THADA: variants seen among roughly 807,000 people sequenced by gnomAD.
The protein encoded by THADA is tRNA (32-2'-O)-methyltransferase regulator THADA.
A neutral mutation model predicts 219.8 loss-of-function variants in THADA; 213 were observed. That is an observed-to-expected ratio of 0.97 (90% CI 0.87 to 1.09). The LOEUF (loss-of-function observed/expected upper bound fraction) is 1.09, where lower values mean the gene tolerates loss of function less well. THADA is among the 50% of genes least tolerant of loss of function. The probability of loss-of-function intolerance (pLI) is 0.00; values close to 1 mark genes in which losing one functional copy is unlikely to be tolerated. For synonymous variants in THADA, 1,018 were observed against 828.9 expected (o/e 1.23, Z -3.92); for missense variants, 2,956 against 2,311.3 (o/e 1.28, Z -5.72).
intron 15 of THADA, chr2:43,564,367 C>G (rs998005151): frequency 6.6e-6 from 1 of 152,258 alleles, no homozygotes; most frequent in African/African-American, 2.4e-5. Context: ...AAAATCTGTT[C>G]CTTGCCTCTT....
intron 29 of THADA, among the ~76,000 whole-genome samples, chr2:43,366,390 C>T (rs1670159643): frequency 6.6e-6 from 1 of 152,154 alleles, no homozygotes; most frequent in South Asian, 2.1e-4. Flanking sequence ...GGAGTTTTCA[C>T]AGGAAGAGGT....
chr2:43,283,140 G>A (rs907878677), intron 35 of THADA, among the ~76,000 whole-genome samples: 3 of 152,210 alleles, frequency 2.0e-5, no homozygotes, highest in African/African-American at 7.2e-5. Flanking sequence ...GCCATGGGAA[G>A]CTGTGCCTTG....
rs1462761453 is a variant in THADA at position 43,592,002 on chromosome 2, G to T, written c.121C>A (p.His41Asn). The T allele has an allele frequency of 1.3e-6, 2 of 1,563,610 alleles. No individual in the cohort carries two copies. Among genetic ancestry groups the T allele is most frequent in the Non-Finnish European group, 1.7e-6 (2 of 1,152,656 alleles). Residue 41 changes from histidine to asparagine, a missense_variant, in exon 3 of 38, where the codon CAT (histidine) becomes AAT (asparagine). Coordinates refer to ENST00000405975, the MANE Select transcript of THADA (RefSeq NM_022065.5). ...ACTCCATCCGTGAGTTGCACACAATGTAACAGCAAAGAAGCTAGATTTTTC... is the reference window on the plus strand; with the variant it reads ...ACTCCATCCGTGAGTTGCACACAATTTAACAGCAAAGAAGCTAGATTTTTC... Reference protein sequence around the residue: ...EGKNLASLLLHCVQLTDGVSQ... With the variant: ...EGKNLASLLLNCVQLTDGVSQ...
intron 36 of THADA, among the ~76,000 whole-genome samples, chr2:43,238,281 G>C (rs1668271227): frequency 6.6e-6 from 1 of 152,012 alleles, no homozygotes; most frequent in South Asian, 2.1e-4. Context: ...TTCACAGAAA[G>C]GGAGAAAATA....
At position 43,574,419 on chromosome 2, in the gene THADA, T is replaced by A; in HGVS notation, c.1646A>T (p.Tyr549Phe). The A allele has an allele frequency of 6.2e-7, 1 of 1,611,042 alleles. No homozygotes were observed. Among genetic ancestry groups the A allele is most frequent in the African/African-American group, 1.3e-5 (1 of 75,054 alleles). ...GCTGTAACTTAATAATTTTGGCAAG[T>A]AATAATCAATCACGTAAGATTTTTG... ...LDQKSYVIDY[Y>F]LPKLLSYSPE... Residue 549 changes from tyrosine to phenylalanine, a missense_variant, in exon 11 of 38, where the codon TAC becomes TTC. Transcript: ENST00000405975.
chr2:43,515,318 T>G (rs1340465258), intron 22 of THADA, among the ~76,000 whole-genome samples: 1 of 52,290 alleles, frequency 1.9e-5, no homozygotes, highest in Non-Finnish European at 3.2e-5. Context: ...ATATAATATT[T>G]TATATATAAT....
chr2:43,340,979 GC>G (rs1368511324), intron 30 of THADA, among the ~76,000 whole-genome samples: 1 of 152,170 alleles, frequency 6.6e-6, no homozygotes, highest in East Asian at 1.9e-4. Context: ...TCTATAATTT[GC>G]TATTTAGGAA....
chr2:43,560,808 A>T (rs1194779518), intron 15 of THADA, among the ~76,000 whole-genome samples: 1 of 151,962 alleles, frequency 6.6e-6, no homozygotes, highest in Non-Finnish European at 1.5e-5. Context: ...CCTGAGGTCA[A>T]GAGTTTGAGA....
chr2:43,452,834 A>G (rs1682510020), intron 26 of THADA, among the ~76,000 whole-genome samples: 1 of 152,196 alleles, frequency 6.6e-6, no homozygotes, highest in Admixed American at 6.5e-5. Flanking sequence ...AGATAATTCC[A>G]TTGGGTCCAA....
chr2:43,564,927 C>T (rs1037877930), intron 15 of THADA: 2 of 152,106 alleles, frequency 1.3e-5, no homozygotes, highest in African/African-American at 2.4e-5. Context: ...AATAACAAAA[C>T]GCAATGCGTG....
intron 31 of THADA, among the ~76,000 whole-genome samples, chr2:43,306,869 T>C (rs1676924481): frequency 1.3e-5 from 2 of 152,228 alleles, no homozygotes; most frequent in Non-Finnish European, 2.9e-5. Context: ...GTTCTTGCTA[T>C]CAGTTTTATC....
intron 28 of THADA, among the ~76,000 whole-genome samples, chr2:43,398,659 T>C (rs1236970679): frequency 6.6e-6 from 1 of 152,160 alleles, no homozygotes; most frequent in East Asian, 1.9e-4. Context: ...GCAAGCATGA[T>C]TCAAGTAGGC....
rs1465064974 is a variant in THADA at position 43,591,941 on chromosome 2, T to C, written c.171+11A>G. On this transcript the variant is annotated intron_variant, in intron 3 of 37. Coordinates refer to ENST00000405975, the MANE Select transcript of THADA (RefSeq NM_022065.5). ...TTAAAGATGCATCCATGAATATCAA[T>C]TCAGACTTACCTGTTTAATATAATG... The C allele has an allele frequency of 6.7e-7, 1 of 1,493,316 alleles. No individual in the cohort carries two copies. Among genetic ancestry groups the C allele is most frequent in the Middle Eastern group, 1.7e-4 (1 of 5,772 alleles). 92.5% of individuals were successfully genotyped at this position (1,493,316 alleles called of 1,614,324 possible). A position where few individuals can be genotyped will look rare whatever the true frequency, so the allele number is the denominator to read the frequency against.
intron 30 of THADA, among the ~76,000 whole-genome samples, chr2:43,336,294 CAG>C (rs1302642120): frequency 2.0e-5 from 3 of 151,738 alleles, no homozygotes; most frequent in Non-Finnish European, 2.9e-5. Context: ...GTTTTTGAGA[CAG>C]AGTCTCACTC....
At chr2:43,322,117 C>G (rs908626418) in intron 30 of THADA, among the ~76,000 whole-genome samples, 1 of 151,834 alleles carries the variant, frequency 6.6e-6, no homozygotes, top group Non-Finnish European at 1.5e-5. Flanking sequence ...CTTACTGCAA[C>G]CTCCACCTCC....
At position 43,586,878 on chromosome 2, in the gene THADA, A is replaced by C; in HGVS notation, c.427T>G (p.Ser143Ala). 6.2e-7 allele frequency: 1 copy of C among 1,613,902 alleles called. No individual in the cohort carries two copies. The highest frequency in any genetic ancestry group is 8.5e-7 in the Non-Finnish European group (1 of 1,179,852). ...CCCAAGTTAAAGTTCTCCATACAGG[A>C]AGAAATATTGTCAGTAACTTTCCTG... ...SYRKVTDNISSCMENFNLGRA... is the reference protein window; with the variant it reads ...SYRKVTDNISACMENFNLGRA... Residue 143 changes from serine to alanine, a missense_variant, in exon 5 of 38, where the codon TCC (serine) becomes GCC (alanine). By Grantham distance (99) the Ser-to-Ala change is moderately conservative (BLOSUM62 1). Transcript: ENST00000405975.
At chr2:43,480,082 T>C (rs1686006078) in intron 26 of THADA, among the ~76,000 whole-genome samples, 2 of 152,196 alleles carry the variant, frequency 1.3e-5, no homozygotes, top group Admixed American at 1.3e-4. Context: ...GGGAATCCGT[T>C]GTTTGGTGTG....
At position 43,297,577 on chromosome 2, in the gene THADA, G is replaced by A. The variant is rs1310591402; in HGVS notation, c.4439-4364C>T. 1.1e-3 allele frequency among the ~76,000 whole-genome samples: 116 copies of A among 103,562 alleles called. 5 individuals are homozygous for A. The highest frequency in any genetic ancestry group is 1.9e-3 in the Non-Finnish European group (99 of 52,648). The allele number at this position is 103,562 out of a possible 152,430, so 67.9% of individuals were successfully genotyped here. ...GGGTCAGCCCCCCGCCTGGCCAGCCGTGCCGTCCGGGAGGGAGGTGGGGGG... is the reference window on the plus strand; with the variant it reads ...GGGTCAGCCCCCCGCCTGGCCAGCCATGCCGTCCGGGAGGGAGGTGGGGGG... On this transcript the variant is annotated intron_variant, in intron 31 of 37. Coordinates refer to ENST00000405975, the MANE Select transcript of THADA (RefSeq NM_022065.5).
At chr2:43,448,249 C>A (rs541950904) in intron 26 of THADA, among the ~76,000 whole-genome samples, 1 of 152,324 alleles carries the variant, frequency 6.6e-6, no homozygotes, top group South Asian at 2.1e-4. Flanking sequence ...AAGGATTGGA[C>A]AGTAAATTGC....
Sources: allele counts gnomAD v4.1 joint callset (sites outside exome capture counted in the v4.1 genomes callset), GRCh38; gene constraint gnomAD v4.1.1; transcripts MANE v1.5; gene names NCBI Gene and HGNC (gene_info 2026-07-23, HGNC 2026-07-21).